MYH3: variants seen among roughly 807,000 people sequenced by gnomAD.
MYH3 encodes myosin-3.
In MYH3, 130 loss-of-function variants were observed where a neutral mutation model predicts 238.0. The observed-to-expected ratio is 0.55, with a 90% CI of 0.47 to 0.63. The LOEUF is 0.63. Among genes scored for constraint, MYH3 ranks in the 30% least tolerant of loss-of-function variants. The probability of loss-of-function intolerance (pLI) is 0.00; values close to 1 mark genes in which losing one functional copy is unlikely to be tolerated. For missense variants in MYH3, 1,853 were observed against 2,374.9 expected (o/e 0.78, Z 4.57); for synonymous variants, 880 against 924.1 (o/e 0.95, Z 0.86).
Position 10,637,839 on chromosome 17 carries a change from T to G in MYH3, c.3826A>C (p.Thr1276Pro). Reference sequence around the variant, plus strand: ...TCGGTCTGCAAACGAGACTTCTGTGTGGTCAGCTCGCTCAGGCTCCTCTGA... The same window carrying G: ...TCGGTCTGCAAACGAGACTTCTGTGGGGTCAGCTCGCTCAGGCTCCTCTGA... ...EIQRSLSELT[T>P]QKSRLQTEAG... Residue 1276 changes from threonine (T) to proline (P), a missense_variant, in exon 28 of 41, where the codon ACA (threonine) becomes CCA (proline). Thr to Pro is a conservative substitution (Grantham distance 38, BLOSUM62 -1). Around this residue, in one of 3 missense-constraint regions of MYH3, gnomAD observed 1,044 missense variants for 1,192.6 expected, o/e 0.88. Coordinates refer to ENST00000583535, the MANE Select transcript of MYH3 (RefSeq NM_002470.4). The G allele has an allele frequency of 6.2e-7, 1 of 1,614,184 alleles. No homozygotes were observed. Among genetic ancestry groups the G allele is most frequent in the South Asian group, 1.1e-5 (1 of 91,078 alleles).
chr17:10,665,224 C>T, the MYH3 span, among the ~76,000 whole-genome samples: 1 of 152,138 alleles, frequency 6.6e-6, no homozygotes, highest in South Asian at 2.1e-4. Flanking sequence ...CTCACTGGAA[C>T]CTCCGCCTCC....
In MYH3 at chr17:10,634,148, C is replaced by T. The variant is rs1387935773; in HGVS notation, c.4391G>A (p.Ser1464Asn). 6.2e-7 allele frequency: 1 copy of T among 1,614,104 alleles called. No homozygotes were observed. The highest frequency in any genetic ancestry group is 8.5e-7 in the Non-Finnish European group (1 of 1,180,054). Residue 1464 changes from serine (S) to asparagine (N), a missense_variant, in exon 32 of 41, where the codon AGC becomes AAC. Transcript: ENST00000583535. ...LAEWKTKCEE[S>N]QAELEASLKE... ...CAGGGATGCCTCCAGCTCTGCTTGG[C>T]TCTCCTCACACTTTGTCTTCCACTC...
At chr17:10,672,351 T>C in the MYH3 span, 2 of 152,204 alleles carry the variant, frequency 1.3e-5, no homozygotes, top group Non-Finnish European at 2.9e-5. Context: ...AAAAAAAGTA[T>C]TATGGCTCAG....
At chr17:10,644,734 A>C (rs944347100) in intron 12 of MYH3, 32 bp from the exon 13 acceptor site, 1 of 1,512,862 alleles carries the variant, frequency 6.6e-7, no homozygotes, top group Non-Finnish European at 9.2e-7. Context: ...TGCTTAGAAA[A>C]GTAGAAGAGC....
Position 10,642,421 on chromosome 17 carries a change from C to G in MYH3, c.1884G>C (p.Ala628=), listed in dbSNP as rs200956871. 11 of 1,614,004 alleles carry G rather than the reference C, an allele frequency of 6.8e-6. No individual in the cohort carries two copies. The highest frequency in any genetic ancestry group is 1.3e-5 in the African/African-American group (1 of 74,896). The stretch of plus-strand genomic sequence containing the variant: ...GACACAAAGCACTCCTCTTACCATC[C>G]GCCGTGGCAAACGTGGCATAGAGGT... ...LAHLYATFAT[A]DADSGKKKVA... is the part of the protein sequence containing the mutation. The change falls in exon 16 of 41, where the codon GCG becomes GCC. Residue 628 remains alanine, a synonymous_variant. Coordinates refer to ENST00000583535, the MANE Select transcript of MYH3 (RefSeq NM_002470.4). This position sits in a 1 kb window ranked among gnomAD's most constrained non-coding sequence, Gnocchi z 5.4.
At position 10,637,808 on chromosome 17, in the gene MYH3, C is replaced by G; in HGVS notation, c.3856+1G>C. 2 of 1,614,038 alleles carry G rather than the reference C, an allele frequency of 1.2e-6. No homozygotes were observed. The highest frequency in any genetic ancestry group is 1.7e-6 in the Non-Finnish European group (2 of 1,180,032). On this transcript the variant is annotated splice_donor_variant, in intron 28 of 40. Transcript: ENST00000583535. LOFTEE classifies it high-confidence loss of function. ...CCACGGGTTTTCTGCACGTGGCTTA[C>G]CAGCCTCGGTCTGCAAACGAGACTT...
chr17:10,674,662 G>A, the MYH3 span: 1 of 152,676 alleles, frequency 6.5e-6, no homozygotes, highest in Middle Eastern at 3.1e-3. Context: ...CAGATGGTGT[G>A]TGACACGTCT....
At chr17:10,637,711 G>T in intron 28 of MYH3, 98 bp downstream of exon 28, 1 of 1,523,336 alleles carries the variant, frequency 6.6e-7, no homozygotes, top group East Asian at 2.3e-5. Context: ...CTTCCCTAGA[G>T]ATTCTCCCTC....
At chr17:10,649,245 T>C (rs1273879531) in intron 7 of MYH3, among the ~76,000 whole-genome samples, 2 of 152,210 alleles carry the variant, frequency 1.3e-5, no homozygotes, top group East Asian at 1.9e-4. Context: ...TGTAATACAT[T>C]TGTTTCAAAA....
At chr17:10,648,734 G>GGCAC in intron 7 of MYH3, 85 bp from the exon 8 acceptor site, 1 of 1,209,956 alleles carries the variant, frequency 8.3e-7, no homozygotes, top group Non-Finnish European at 1.2e-6. Flanking sequence ...GCAGTGCAAT[G>GGCAC]GCACGATCTT....
the MYH3 span, among the ~76,000 whole-genome samples, chr17:10,671,548 T>C: frequency 2.8e-4 from 42 of 151,458 alleles, no homozygotes; most frequent in African/African-American, 9.7e-4. Context: ...GTTTGTGTCC[T>C]TTGCCCTGCT....
chr17:10,666,605 A>T, the MYH3 span, among the ~76,000 whole-genome samples: 50 of 151,842 alleles, frequency 3.3e-4, no homozygotes, highest in African/African-American at 1.1e-3. Context: ...AAACTTAAAA[A>T]ACTAGCCAGG....
intron 1 of MYH3, among the ~76,000 whole-genome samples, chr17:10,656,537 C>CAAAAAAAAAAAAAAA (rs71139057): frequency 1.8e-5 from 1 of 55,902 alleles, no homozygotes; most frequent in Non-Finnish European, 5.2e-5. Context: ...AATTCTGTCT[C>CAAAAAAAAAAAAAAA]AAAAAAAAAA....
At chr17:10,645,625 A>G (rs1299134149) in intron 12 of MYH3, 82 bp downstream of exon 12, 8 of 1,559,532 alleles carry the variant, frequency 5.1e-6, no homozygotes, top group Non-Finnish European at 7.0e-6. Flanking sequence ...GCCTGGCTGG[A>G]TTAATTGCTT....
At chr17:10,653,362 T>G (rs1028065483) in intron 3 of MYH3, among the ~76,000 whole-genome samples, 1 of 152,146 alleles carries the variant, frequency 6.6e-6, no homozygotes, top group Non-Finnish European at 1.5e-5. Context: ...CTGGTGCCCA[T>G]GGATTGCCAA....
rs777731863 is a variant in MYH3 at position 10,638,024 on chromosome 17, C to A, written c.3729+19G>T. On this transcript the variant is annotated intron_variant, in intron 27 of 40. Transcript: ENST00000583535. ...GTGTCTGATGGAAAGCCTTGAGCCA[C>A]CCCCACCCCGCGCAGCACCTTAGAT... 2.5e-6 allele frequency: 4 copies of A among 1,613,886 alleles called. No homozygotes were observed. Among genetic ancestry groups the A allele is most frequent in the South Asian group, 2.2e-5 (2 of 91,064 alleles).
chr17:10,651,894 C>G (rs1427141447), intron 4 of MYH3: 1 of 541,784 alleles, frequency 1.8e-6, no homozygotes, highest in Admixed American at 3.3e-5. Context: ...CAGGTACATG[C>G]CATCACGCCC....
In MYH3 at chr17:10,628,670, G is replaced by A. The variant is rs775287416; in HGVS notation, c.5806C>T (p.His1936Tyr). 4 of 1,614,168 alleles carry A rather than the reference G, an allele frequency of 2.5e-6. No individual in the cohort carries two copies. Among genetic ancestry groups the A allele is most frequent in the Middle Eastern group, 1.6e-4 (1 of 6,062 alleles). Reference protein sequence around the residue: ...RDFTSSRMVVHESEE With the variant: ...RDFTSSRMVVYESEE ...GGGCTGGCTCACTCTTCACTCTCGTGGACCACCATCTAGGAAGAAAGTAGG... is the reference window on the plus strand; with the variant it reads ...GGGCTGGCTCACTCTTCACTCTCGTAGACCACCATCTAGGAAGAAAGTAGG... The change falls in exon 41 of 41, where the codon CAC becomes TAC. Residue 1936 changes from histidine to tyrosine, a missense_variant. By Grantham distance (83) the His-to-Tyr change is moderately conservative. This residue lies in a region of MYH3 where 1,044 missense variants were observed against 1,192.6 expected (regional missense o/e 0.88). Transcript: ENST00000583535.
Position 10,634,932 on chromosome 17 carries a change from G to A in MYH3, c.4264C>T (p.Leu1422=). The A allele has an allele frequency of 1.9e-6, 3 of 1,614,092 alleles. No homozygotes were observed. Among genetic ancestry groups the A allele is most frequent in the Non-Finnish European group, 1.7e-6 (2 of 1,180,024 alleles). The part of the protein sequence containing the change: ...CASLEKTKQR[L]QGEVEDLMVD... ...ATCAGATCCTCCACCTCTCCTTGCA[G>A]CCTCTGCTTGGTCTTCTCCAGTGAA... Residue 1422 remains leucine, a synonymous_variant, in exon 31 of 41, where the codon CTG becomes TTG. Coordinates refer to ENST00000583535, the MANE Select transcript of MYH3 (RefSeq NM_002470.4).
Sources: gnomAD v4.1 joint callset for allele counts (sites outside exome capture counted in the v4.1 genomes callset) on GRCh38, gnomAD v4.1.1 for gene constraint, gnomAD v4.1.1 regional missense constraint, Gnocchi (gnomAD v3.1) non-coding constraint, MANE v1.5 for transcripts, NCBI Gene and HGNC (gene_info 2026-07-23, HGNC 2026-07-21) for gene names.